Variants in RALGAPA1 observed in about 807,000 individuals in gnomAD.
The protein encoded by RALGAPA1 is ral GTPase-activating protein subunit alpha-1.
RALGAPA1 carries 52 observed loss-of-function variants against 269.6 expected under a neutral mutation model. The observed-to-expected ratio is 0.19, with a 90% CI of 0.15 to 0.24. The LOEUF is 0.24. Among genes scored for constraint, RALGAPA1 ranks in the 10% least tolerant of loss-of-function variants. RALGAPA1 has a pLI of 1.00. For synonymous variants in RALGAPA1, 817 were observed against 1,008.3 expected, an observed-to-expected ratio of 0.81 and a Z score of 3.60; for missense variants, 1,917 against 3,013.9, an observed-to-expected ratio of 0.64 and a Z score of 8.52.
chr14:35,775,831 T>C (rs1231775680), intron 1 of RALGAPA1, 86 bp from the exon 2 acceptor site: 2 of 1,252,776 alleles, frequency 1.6e-6, no homozygotes, highest in South Asian at 2.2e-5. Context: ...TCCTTCAAAG[T>C]CAAAGAACTG....
At chr14:35,658,193 G>C (rs2063323967) in intron 28 of RALGAPA1, among the ~76,000 whole-genome samples, 1 of 152,088 alleles carries the variant, frequency 6.6e-6, no homozygotes, top group South Asian at 2.1e-4. Context: ...TAGCGTAAAA[G>C]AACAATTTTC....
intron 1 of RALGAPA1, among the ~76,000 whole-genome samples, chr14:35,802,175 G>A (rs1171253142): frequency 6.6e-6 from 1 of 152,158 alleles, no homozygotes; most frequent in East Asian, 1.9e-4. Context: ...AGGCTCAGTG[G>A]TGTGTGCCTG....
intron 37 of RALGAPA1, among the ~76,000 whole-genome samples, chr14:35,585,691 C>T (rs925813697): frequency 6.6e-6 from 1 of 152,122 alleles, no homozygotes; most frequent in Non-Finnish European, 1.5e-5. Context: ...TTCCCCAGCA[C>T]CATTTATTAA....
chr14:35,624,904 A>T (rs968977873), intron 35 of RALGAPA1, among the ~76,000 whole-genome samples: 2 of 152,136 alleles, frequency 1.3e-5, no homozygotes, highest in African/African-American at 4.8e-5. Flanking sequence ...AAAAAGGCAT[A>T]AACAAGCCAG....
intron 1 of RALGAPA1, among the ~76,000 whole-genome samples, chr14:35,786,601 G>A (rs1011236933): frequency 4.6e-5 from 7 of 151,996 alleles, no homozygotes; most frequent in Non-Finnish European, 8.8e-5. Flanking sequence ...TCACACCACT[G>A]CATTCCAGCA....
At chr14:35,725,984 A>T (rs1443658936) in intron 13 of RALGAPA1, among the ~76,000 whole-genome samples, 2 of 152,220 alleles carry the variant, frequency 1.3e-5, no homozygotes. Context: ...TACCTTATTT[A>T]CACTGATACT....
At chr14:35,756,754 G>C (rs1015601192) in intron 7 of RALGAPA1, 39 bp downstream of exon 7, 7 of 1,341,950 alleles carry the variant, frequency 5.2e-6, no homozygotes, top group African/African-American at 1.4e-5. Context: ...ACCCACATAG[G>C]ATAGTAAGGA....
At chr14:35,542,936 A>AT (rs1278891590) in intron 41 of RALGAPA1, among the ~76,000 whole-genome samples, 5 of 152,182 alleles carry the variant, frequency 3.3e-5, no homozygotes, top group East Asian at 1.9e-4. Flanking sequence ...TCAAAAGATC[A>AT]TTTTTTATTG....
chr14:35,797,600 C>CT (rs1172607933), intron 1 of RALGAPA1, among the ~76,000 whole-genome samples: 2 of 151,778 alleles, frequency 1.3e-5, no homozygotes, highest in Non-Finnish European at 2.9e-5. Context: ...AATCCCAGCA[C>CT]TTTGAGAGGC....
chr14:35,609,673 A>T (rs555465485), intron 35 of RALGAPA1, among the ~76,000 whole-genome samples: 1 of 152,310 alleles, frequency 6.6e-6, no homozygotes, highest in East Asian at 1.9e-4. Flanking sequence ...CTGTAATCCC[A>T]GTACTTGGGG....
At chr14:35,676,742 C>T (rs565972636) in intron 22 of RALGAPA1, 60 of 152,236 alleles carry the variant, frequency 3.9e-4, no homozygotes, top group Non-Finnish European at 7.8e-4. Context: ...CTCTTACATG[C>T]CTCAGCAAAA....
At chr14:35,577,517 C>A (rs967218790) in intron 37 of RALGAPA1, among the ~76,000 whole-genome samples, 1 of 152,172 alleles carries the variant, frequency 6.6e-6, no homozygotes, top group Admixed American at 6.5e-5. Flanking sequence ...GCATCTTGAT[C>A]TTAGATTTCT....
intron 1 of RALGAPA1, among the ~76,000 whole-genome samples, chr14:35,776,077 A>T (rs1411733941): frequency 6.6e-6 from 1 of 152,212 alleles, no homozygotes; most frequent in African/African-American, 2.4e-5. Context: ...GTTGAAAATC[A>T]GAATAATAAT....
chr14:35,729,885 G>T (rs1330752694), intron 12 of RALGAPA1, among the ~76,000 whole-genome samples: 1 of 152,162 alleles, frequency 6.6e-6, no homozygotes, highest in Non-Finnish European at 1.5e-5. Flanking sequence ...ACGGGAAGCA[G>T]AACTAAATTG....
At chr14:35,788,577 G>A (rs1196678747) in intron 1 of RALGAPA1, among the ~76,000 whole-genome samples, 1 of 152,158 alleles carries the variant, frequency 6.6e-6, no homozygotes, top group Non-Finnish European at 1.5e-5. Context: ...ATGAGGCCAG[G>A]AGTTCAAGAC....
chr14:35,623,082 C>CA (rs71445949), intron 35 of RALGAPA1, among the ~76,000 whole-genome samples: 19,123 of 89,680 alleles, frequency 0.21, 1,875 homozygotes, highest in African/African-American at 0.29. Context: ...GACTCTGTCT[C>CA]AAAAAAAAAA....
chr14:35,748,437 C>A, intron 10 of RALGAPA1, 148 bp downstream of exon 10: 2 of 865,728 alleles, frequency 2.3e-6, no homozygotes, highest in Non-Finnish European at 3.1e-6. Context: ...TGGCCTCAAA[C>A]TCCTGGGCTC....
chr14:35,622,915 A>G (rs545970567), intron 35 of RALGAPA1, among the ~76,000 whole-genome samples: 1 of 152,272 alleles, frequency 6.6e-6, no homozygotes, highest in South Asian at 2.1e-4. Flanking sequence ...CCTGGCCAAC[A>G]TGGCAAAACC....
At chr14:35,717,696 T>C (rs190309535) in intron 16 of RALGAPA1, among the ~76,000 whole-genome samples, 26 of 152,152 alleles carry the variant, frequency 1.7e-4, no homozygotes, top group Admixed American at 1.6e-3. Context: ...GACTAGGGAC[T>C]ACAGGCGTGT....
Sources: gnomAD v4.1 joint callset for allele counts (sites outside exome capture counted in the v4.1 genomes callset) on GRCh38, gnomAD v4.1.1 for gene constraint, MANE v1.5 for transcripts, NCBI Gene and HGNC (gene_info 2026-07-23, HGNC 2026-07-21) for gene names.